The following IFT81 variants were observed in gnomAD, a reference collection of about 807,000 sequenced individuals.
IFT81 encodes intraflagellar transport protein 81 homolog.
IFT81 carries 72 observed loss-of-function variants against 102.6 expected under a neutral mutation model. The ratio of observed to expected loss-of-function variants is 0.70; its 90% confidence interval spans 0.58 to 0.85. The LOEUF is 0.85. Among genes scored for constraint, IFT81 ranks in the 40% least tolerant of loss-of-function variants. The pLI is 0.00. For missense variants in IFT81, 723 were observed against 787.3 expected, an observed-to-expected ratio of 0.92 and a Z score of 0.98; for synonymous variants, 237 against 242.7, an observed-to-expected ratio of 0.98 and a Z score of 0.22.
chr12:110,184,086 C>T (rs1281259565), intron 12 of IFT81, among the ~76,000 whole-genome samples: 2 of 152,182 alleles, frequency 1.3e-5, no homozygotes, highest in Admixed American at 6.5e-5. Context: ...CATGGTGGCT[C>T]ACGCCTGTAA....
rs1471015110 is a variant in IFT81 at position 110,182,329 on chromosome 12, G to A, written c.1338+1758G>A. Among the ~76,000 whole-genome samples, 4 of 152,164 alleles carry A rather than the reference G, an allele frequency of 2.6e-5. No individual in the cohort carries two copies. The South Asian group carries it at 8.3e-4, about 31-fold the overall frequency. On this transcript the variant is annotated intron_variant, in intron 12 of 18. Transcript: ENST00000242591. ...AGGAGAAAGATTAGTGGGACAAATGGAAACTCTCATTGCTACATTTGGTTC... is the reference window on the plus strand; with the variant it reads ...AGGAGAAAGATTAGTGGGACAAATGAAAACTCTCATTGCTACATTTGGTTC...
At chr12:110,197,167 A>G (rs1405051747) in intron 14 of IFT81, among the ~76,000 whole-genome samples, 1 of 152,120 alleles carries the variant, frequency 6.6e-6, no homozygotes, top group Admixed American at 6.6e-5. Flanking sequence ...CACTGCATCC[A>G]GCCTGGGTGA....
intron 12 of IFT81, among the ~76,000 whole-genome samples, chr12:110,183,845 C>T (rs1294760571): frequency 6.6e-6 from 1 of 152,144 alleles, no homozygotes; most frequent in Non-Finnish European, 1.5e-5. Context: ...ATACCCCCAT[C>T]CCAGACTCAG....
At chr12:110,144,604 G>C (rs1033263297) in intron 9 of IFT81, among the ~76,000 whole-genome samples, 1 of 151,548 alleles carries the variant, frequency 6.6e-6, no homozygotes, top group Non-Finnish European at 1.5e-5. Flanking sequence ...TCTGCCTCCC[G>C]GGTTCAAGCC....
intron 11 of IFT81, among the ~76,000 whole-genome samples, chr12:110,179,507 A>C (rs1897193077): frequency 6.6e-6 from 1 of 151,432 alleles, no homozygotes; most frequent in African/African-American, 2.4e-5. Context: ...GAATCACTTG[A>C]GCTGAGGAGT....
chr12:110,153,291 A>G (rs1030739710), intron 10 of IFT81, among the ~76,000 whole-genome samples: 8 of 152,222 alleles, frequency 5.3e-5, no homozygotes, highest in Middle Eastern at 3.4e-3. Flanking sequence ...CTGGAGTGCA[A>G]TGGCGTGATC....
intron 18 of IFT81, 94 bp downstream of exon 18, chr12:110,209,310 C>G: frequency 2.0e-6 from 1 of 498,108 alleles, no homozygotes; most frequent in Non-Finnish European, 3.5e-6. Flanking sequence ...TTCAAAAGGT[C>G]ATAGTACAGT....
intron 14 of IFT81, among the ~76,000 whole-genome samples, chr12:110,197,248 G>GTAGGTAGATAGA (rs1382492770): frequency 1.4e-5 from 2 of 147,156 alleles, no homozygotes; most frequent in East Asian, 2.0e-4. Context: ...AGGTAGGTAG[G>GTAGGTAGATAGA]TAGATAGATA....
chr12:110,147,936 A>G (rs1436029061), intron 10 of IFT81, among the ~76,000 whole-genome samples: 2 of 152,226 alleles, frequency 1.3e-5, no homozygotes, highest in Non-Finnish European at 1.5e-5. Context: ...CCTTAATATC[A>G]GAAAATATTC....
At chr12:110,150,367 G>A (rs927480017) in intron 10 of IFT81, among the ~76,000 whole-genome samples, 2 of 152,074 alleles carry the variant, frequency 1.3e-5, no homozygotes, top group African/African-American at 4.8e-5. Flanking sequence ...GTGAGCCACC[G>A]CACCCGGCCA....
At chr12:110,197,653 C>G (rs910848025) in intron 14 of IFT81, among the ~76,000 whole-genome samples, 20 of 150,510 alleles carry the variant, frequency 1.3e-4, no homozygotes, top group Admixed American at 8.0e-4. Flanking sequence ...ATTTGACACC[C>G]TCTTCTACCT....
intron 8 of IFT81, among the ~76,000 whole-genome samples, chr12:110,138,426 G>T (rs776658598): frequency 1.3e-5 from 2 of 151,566 alleles, no homozygotes; most frequent in Non-Finnish European, 2.9e-5. Context: ...ATTCACTGAG[G>T]TTAATCATTT....
chr12:110,191,551 GT>G (rs377652416), intron 13 of IFT81, among the ~76,000 whole-genome samples: 1 of 151,594 alleles, frequency 6.6e-6, no homozygotes, highest in Non-Finnish European at 1.5e-5. Flanking sequence ...TGCATTTTCT[GT>G]TTTTTTAATG....
At chr12:110,144,658 G>A (rs962965789) in intron 9 of IFT81, among the ~76,000 whole-genome samples, 1 of 151,494 alleles carries the variant, frequency 6.6e-6, no homozygotes, top group African/African-American at 2.4e-5. Context: ...CTACAGATAT[G>A]TGCCACCATG....
chr12:110,128,807 AAAAG>A (rs1893997356), intron 3 of IFT81, 139 bp from the exon 4 acceptor site: 8 of 615,568 alleles, frequency 1.3e-5, no homozygotes, highest in South Asian at 4.3e-5. Context: ...AAAAAAAAAA[AAAAG>A]ATTCCTTGGG....
chr12:110,214,145 G>A (rs1869797549), intron 18 of IFT81, among the ~76,000 whole-genome samples: 1 of 151,194 alleles, frequency 6.6e-6, no homozygotes, highest in Non-Finnish European at 1.5e-5. Context: ...ATACTTAAAA[G>A]GAAAAAAAGA....
chr12:110,192,472 A>G (rs1401166381), intron 13 of IFT81, 145 bp from the exon 14 acceptor site: 3 of 508,424 alleles, frequency 5.9e-6, no homozygotes. Context: ...AGGATTTTCT[A>G]AAGCACTTCT....
chr12:110,217,483 T>C (rs1354459067), intron 18 of IFT81, among the ~76,000 whole-genome samples: 1 of 152,234 alleles, frequency 6.6e-6, no homozygotes, highest in Non-Finnish European at 1.5e-5. Flanking sequence ...CACACCATGA[T>C]ACTGTTCCAC....
At chr12:110,140,498 T>A (rs976225667) in intron 8 of IFT81, among the ~76,000 whole-genome samples, 1 of 152,078 alleles carries the variant, frequency 6.6e-6, no homozygotes, top group African/African-American at 2.4e-5. Context: ...AATTAGAAAC[T>A]TTTTTTTAAA....
Sources: gnomAD v4.1 joint callset for allele counts (sites outside exome capture counted in the v4.1 genomes callset) on GRCh38, gnomAD v4.1.1 for gene constraint, MANE v1.5 for transcripts, NCBI Gene and HGNC (gene_info 2026-07-23, HGNC 2026-07-21) for gene names.